Variants in RAPGEF2 observed in about 807,000 individuals in gnomAD.
RAPGEF2 encodes the protein Rap guanine nucleotide exchange factor 2.
In RAPGEF2, 54 loss-of-function variants were observed where a neutral mutation model predicts 186.7. The ratio of observed to expected loss-of-function variants is 0.29; its 90% CI spans 0.23 to 0.36. RAPGEF2 has a LOEUF of 0.36. Among genes scored for constraint, RAPGEF2 ranks in the 10% least tolerant of loss-of-function variants. The probability of loss-of-function intolerance (pLI) is 1.00; values close to 1 mark genes in which losing one functional copy is unlikely to be tolerated. For synonymous variants in RAPGEF2, 712 were observed against 705.9 expected, an observed-to-expected ratio of 1.01 and a Z score of -0.14; for missense variants, 1,532 against 2,045.0, an observed-to-expected ratio of 0.75 and a Z score of 4.84.
In RAPGEF2 at chr4:159,341,513, C is replaced by G. The variant is rs866189600; in HGVS notation, c.2535-51C>G. ...GTAGCATTATTCTTTCAAGGAATAT[C>G]ATGAGATTGCTGCTTAGGCTTTGAC... On this transcript the variant is annotated intron_variant, in intron 19 of 29. Coordinates refer to ENST00000691494, the MANE Select transcript of RAPGEF2 (RefSeq NM_001394067.2). The G allele has an allele frequency of 3.1e-5, 46 of 1,507,538 alleles. 1 individual carries two copies. The Middle Eastern group carries it at 7.0e-3, about 228-fold the overall frequency. The allele number at this position is 1,507,538 out of a possible 1,614,324, so 93.4% of individuals were successfully genotyped here.
chr4:159,174,359 A>G (rs1465345180), intron 1 of RAPGEF2, among the ~76,000 whole-genome samples: 1 of 152,226 alleles, frequency 6.6e-6, no homozygotes, highest in Non-Finnish European at 1.5e-5. Flanking sequence ...TATAGATGAT[A>G]CTTCATCTGT....
chr4:159,216,886 T>C (rs1751039724), intron 4 of RAPGEF2, among the ~76,000 whole-genome samples: 1 of 151,616 alleles, frequency 6.6e-6, no homozygotes, highest in Non-Finnish European at 1.5e-5. Flanking sequence ...CTGGCAGTTA[T>C]AATGAGAATA....
intron 1 of RAPGEF2, among the ~76,000 whole-genome samples, chr4:159,138,721 T>C (rs771223939): frequency 6.6e-6 from 1 of 152,182 alleles, no homozygotes; most frequent in Non-Finnish European, 1.5e-5. Context: ...GTTTGGGTGA[T>C]TGAAAGAATT....
chr4:159,322,332 T>C lies in RAPGEF2; in HGVS notation c.854-15T>C, dbSNP rs756222985. ...AAAGTAGTAGTTTTTACAAAGTATG[T>C]CTTTTGCTTTTCAGAACAACTCTTG... On this transcript the variant is annotated splice_polypyrimidine_tract_variant and intron_variant, in intron 9 of 29. Coordinates refer to ENST00000691494, the MANE Select transcript of RAPGEF2 (RefSeq NM_001394067.2). 6.2e-7 allele frequency: 1 copy of C among 1,612,122 alleles called. No homozygotes were observed. Among genetic ancestry groups the C allele is most frequent in the Non-Finnish European group, 8.5e-7 (1 of 1,178,476 alleles).
chr4:159,281,009 C>T (rs888627523), intron 7 of RAPGEF2, among the ~76,000 whole-genome samples: 33 of 145,524 alleles, frequency 2.3e-4, no homozygotes, highest in Non-Finnish European at 3.0e-4. Flanking sequence ...TTTCCTGAGA[C>T]GGAGTCTCGG....
At chr4:159,215,890 A>G (rs1750950632) in intron 4 of RAPGEF2, among the ~76,000 whole-genome samples, 1 of 152,198 alleles carries the variant, frequency 6.6e-6, no homozygotes, top group African/African-American at 2.4e-5. Context: ...AAGACTATAC[A>G]GAGAGTGGAG....
rs530196730 is a variant in RAPGEF2, at chr4:159,172,293, C to G, written c.70-14349C>G. Among the ~76,000 whole-genome samples, 49 of 152,254 alleles carry G rather than the reference C, an allele frequency of 3.2e-4. 1 individual carries two copies. In the South Asian group the frequency reaches 1.0e-2, roughly 31 times the overall value. ...TGCAGTAGCTGATAGACCCAACCAC[C>G]CTTTATAACACTGGCCCTGAGGCAA... On this transcript the variant is annotated intron_variant, in intron 1 of 29. Transcript: ENST00000691494.
chr4:159,320,101 G>T (rs748128140), intron 9 of RAPGEF2, among the ~76,000 whole-genome samples: 6 of 152,132 alleles, frequency 3.9e-5, no homozygotes, highest in African/African-American at 9.7e-5. Context: ...AAAGTAAAAT[G>T]CATGGTCTAT....
chr4:159,266,412 T>A (rs1386848643), intron 7 of RAPGEF2, among the ~76,000 whole-genome samples: 2 of 152,250 alleles, frequency 1.3e-5, no homozygotes, highest in Non-Finnish European at 2.9e-5. Context: ...TAAACCTGAT[T>A]GTGAAAAGCT....
At chr4:159,167,268 G>A (rs1373857321) in intron 1 of RAPGEF2, among the ~76,000 whole-genome samples, 2 of 152,182 alleles carry the variant, frequency 1.3e-5, no homozygotes, top group Non-Finnish European at 2.9e-5. Flanking sequence ...GTTTTTTGGG[G>A]GAAATTTAGT....
intron 19 of RAPGEF2, among the ~76,000 whole-genome samples, chr4:159,340,667 C>CCCCACA (rs1554040735): frequency 1.3e-5 from 1 of 76,846 alleles, no homozygotes; most frequent in African/African-American, 5.4e-5. Flanking sequence ...ACCACCATCA[C>CCCCACA]CACACACACA....
At chr4:159,177,967 A>G (rs1352981706) in intron 1 of RAPGEF2, among the ~76,000 whole-genome samples, 2 of 152,212 alleles carry the variant, frequency 1.3e-5, no homozygotes, top group Non-Finnish European at 2.9e-5. Flanking sequence ...CGCTTTAAGC[A>G]AGATGCTCCT....
chr4:159,127,418 T>A (rs1182134474), intron 1 of RAPGEF2, among the ~76,000 whole-genome samples: 1 of 152,222 alleles, frequency 6.6e-6, no homozygotes, highest in Admixed American at 6.5e-5. Context: ...ACCTTTTGAT[T>A]TCCTCCCTTT....
At chr4:159,163,209 A>C (rs1744908084) in intron 1 of RAPGEF2, among the ~76,000 whole-genome samples, 1 of 152,164 alleles carries the variant, frequency 6.6e-6, no homozygotes, top group African/African-American at 2.4e-5. Flanking sequence ...TATTCCAATA[A>C]TTTTATACAT....
At chr4:159,118,479 A>G (rs1739293296) in intron 1 of RAPGEF2, among the ~76,000 whole-genome samples, 1 of 152,054 alleles carries the variant, frequency 6.6e-6, no homozygotes, top group African/African-American at 2.4e-5. Flanking sequence ...TGCTTGAATC[A>G]TCCTGCACCC....
intron 7 of RAPGEF2, among the ~76,000 whole-genome samples, chr4:159,267,576 G>A (rs1278113638): frequency 6.6e-6 from 1 of 152,092 alleles, no homozygotes; most frequent in Non-Finnish European, 1.5e-5. Context: ...AGGAGTTCCC[G>A]ATTCACACGC....
Position 159,330,319 on chromosome 4 carries a change from T to C in RAPGEF2, c.1303-15T>C. 7.5e-7 allele frequency: 1 copy of C among 1,332,694 alleles called. No homozygotes were observed. The highest frequency in any genetic ancestry group is 1.0e-6 in the Non-Finnish European group (1 of 993,188). The allele number at this position is 1,332,694 out of a possible 1,614,324, so 82.6% of individuals were successfully genotyped here. A position where few individuals can be genotyped will look rare whatever the true frequency, so the allele number is the denominator to read the frequency against. ...TGTATATATATGTAGTAATTAAACC[T>C]TTTCTTTGTTACAGGGTACCTCAGA... is the stretch of plus-strand genomic sequence containing the variant. On this transcript the variant is annotated splice_polypyrimidine_tract_variant and intron_variant, in intron 12 of 29. Transcript: ENST00000691494.
chr4:159,193,381 TG>T, intron 3 of RAPGEF2, 125 bp downstream of exon 3: 1 of 446,600 alleles, frequency 2.2e-6, no homozygotes, highest in Non-Finnish European at 3.8e-6. Flanking sequence ...AGTTGAGAAA[TG>T]GGAAACATTT....
chr4:159,122,797 T>C (rs1739851973), intron 1 of RAPGEF2, among the ~76,000 whole-genome samples: 1 of 152,200 alleles, frequency 6.6e-6, no homozygotes, highest in Non-Finnish European at 1.5e-5. Flanking sequence ...AATAATATTA[T>C]GGGACCCATA....
Sources: allele counts gnomAD v4.1 joint callset (sites outside exome capture counted in the v4.1 genomes callset), GRCh38; gene constraint gnomAD v4.1.1; transcripts MANE v1.5; gene names NCBI Gene and HGNC (gene_info 2026-07-23, HGNC 2026-07-21).